DTNA: variants seen among roughly 807,000 people sequenced by gnomAD.
The protein encoded by DTNA is dystrophin-related protein 3.
DTNA carries 43 observed loss-of-function variants against 100.7 expected under a neutral mutation model. That is an observed-to-expected ratio of 0.43 (90% CI 0.33 to 0.55). The LOEUF (loss-of-function observed/expected upper bound fraction) is 0.55. DTNA is among the 20% of genes least tolerant of loss of function. The probability of loss-of-function intolerance (pLI) is 0.04; values close to 1 mark genes in which losing one functional copy is unlikely to be tolerated. For missense variants in DTNA, 798 were observed against 953.9 expected, an observed-to-expected ratio of 0.84 and a Z score of 2.15; for synonymous variants, 349 against 347.9, an observed-to-expected ratio of 1.00 and a Z score of -0.04.
intron 1 of DTNA, among the ~76,000 whole-genome samples, chr18:34,561,142 C>T (rs1196574754): frequency 1.3e-5 from 2 of 151,978 alleles, no homozygotes; most frequent in African/African-American, 4.8e-5. Flanking sequence ...GAAAAAAGTC[C>T]TATTTTTTTC....
At chr18:34,676,830 G>T (rs1042986392) in intron 1 of DTNA, among the ~76,000 whole-genome samples, 1 of 152,178 alleles carries the variant, frequency 6.6e-6, no homozygotes, top group African/African-American at 2.4e-5. Flanking sequence ...GCAAGACCTT[G>T]TCTCAAAGAG....
intron 17 of DTNA, among the ~76,000 whole-genome samples, chr18:34,869,759 C>T (rs531447209): frequency 1.3e-3 from 192 of 152,312 alleles, no homozygotes; most frequent in African/African-American, 4.3e-3. Flanking sequence ...CGGTGGCTCA[C>T]GCCTGTAATC....
At chr18:34,587,579 G>A (rs8090923) in intron 1 of DTNA, among the ~76,000 whole-genome samples, 6,783 of 152,044 alleles carry the variant, frequency 0.045, 482 homozygotes, top group African/African-American at 0.15. Flanking sequence ...GAACTTAAAT[G>A]CATATCTCAT....
chr18:34,541,641 A>C (rs1301430692), intron 1 of DTNA, among the ~76,000 whole-genome samples: 1 of 152,108 alleles, frequency 6.6e-6, no homozygotes, highest in Non-Finnish European at 1.5e-5. Context: ...CCCAGTCTCC[A>C]GTATGTCTTT....
At chr18:34,681,710 ACACACACACACACACACACACCC>A (rs1317909707) in intron 1 of DTNA, among the ~76,000 whole-genome samples, 1 of 150,908 alleles carries the variant, frequency 6.6e-6, no homozygotes, top group Non-Finnish European at 1.5e-5. Context: ...ACACACACAC[ACACACACACACACACACACACCC>A]CACACACACA....
In DTNA at chr18:34,777,972, TTG is replaced by T. The variant is rs1215344176; in HGVS notation, c.148+11935_148+11936del. 9.8e-5 allele frequency among the ~76,000 whole-genome samples: 15 copies of T among 152,294 alleles called. No individual in the cohort carries two copies. In the East Asian group the frequency reaches 2.9e-3, roughly 30 times the overall value. ...CTTCTAAAAATCTTAACCCTCATCA[TTG>T]TGTTAGTGAGGGAACTGCAGTAGCT... is the stretch of plus-strand genomic sequence containing the variant. On this transcript the variant is annotated intron_variant, in intron 3 of 22. Coordinates refer to ENST00000444659, the MANE Select transcript of DTNA (RefSeq NM_001386795.1).
chr18:34,615,991 A>G (rs531241381), intron 1 of DTNA, among the ~76,000 whole-genome samples: 6 of 152,266 alleles, frequency 3.9e-5, no homozygotes, highest in African/African-American at 1.2e-4. Context: ...TCCACCATTA[A>G]TGGAGACCTA....
intron 1 of DTNA, among the ~76,000 whole-genome samples, chr18:34,754,856 T>A (rs1048504317): frequency 6.6e-6 from 1 of 152,090 alleles, no homozygotes. Context: ...CAGGCAGTTG[T>A]AGAAAGTTGG....
intron 1 of DTNA, among the ~76,000 whole-genome samples, chr18:34,736,513 T>C (rs1006500373): frequency 3.3e-5 from 5 of 152,142 alleles, no homozygotes; most frequent in Admixed American, 1.3e-4. Flanking sequence ...AAATGGAAGA[T>C]TGTACAGACA....
chr18:34,865,256 CT>C (rs376169647), intron 17 of DTNA, among the ~76,000 whole-genome samples: 8 of 151,522 alleles, frequency 5.3e-5, no homozygotes, highest in Non-Finnish European at 8.8e-5. Flanking sequence ...TTCTTTCTCT[CT>C]TTTTTTTGTC....
intron 1 of DTNA, among the ~76,000 whole-genome samples, chr18:34,502,042 CAT>C (rs1216448505): frequency 6.6e-6 from 1 of 152,190 alleles, no homozygotes; most frequent in African/African-American, 2.4e-5. Flanking sequence ...AGGACTTCAA[CAT>C]ATGAATTTGT....
chr18:34,711,213 C>T (rs16965785), intron 1 of DTNA, among the ~76,000 whole-genome samples: 1 of 152,058 alleles, frequency 6.6e-6, no homozygotes, highest in Non-Finnish European at 1.5e-5. Context: ...CCTTCTCATG[C>T]GTTGTTTACA....
At chr18:34,871,610 C>G (rs550841368) in intron 17 of DTNA, among the ~76,000 whole-genome samples, 2 of 152,230 alleles carry the variant, frequency 1.3e-5, no homozygotes, top group African/African-American at 4.8e-5. Flanking sequence ...AGGCTGGAGG[C>G]CACCATCCCA....
At chr18:34,815,853 G>A in intron 6 of DTNA, 56 bp from the exon 7 acceptor site, 1 of 1,339,102 alleles carries the variant, frequency 7.5e-7, no homozygotes, top group Non-Finnish European at 1.1e-6. Context: ...TATTTACATA[G>A]CAGGTAAATT....
intron 1 of DTNA, chr18:34,679,513 T>G (rs1040905126): frequency 6.6e-6 from 1 of 152,204 alleles, no homozygotes. Flanking sequence ...TGGGAAGTCT[T>G]TAAGTGCCAT....
intron 17 of DTNA, 125 bp downstream of exon 17, chr18:34,864,187 C>T (rs2096664686): frequency 1.2e-6 from 1 of 820,494 alleles, no homozygotes; most frequent in African/African-American, 1.7e-5. Context: ...TTGTTTCAAG[C>T]TCAGATGTAA....
At chr18:34,762,410 G>C (rs1344913862) in intron 2 of DTNA, among the ~76,000 whole-genome samples, 1 of 152,138 alleles carries the variant, frequency 6.6e-6, no homozygotes, top group South Asian at 2.1e-4. Flanking sequence ...AAGGCGTCTA[G>C]TAGTATCCTG....
At chr18:34,799,341 A>G (rs895429760) in intron 4 of DTNA, among the ~76,000 whole-genome samples, 1 of 152,214 alleles carries the variant, frequency 6.6e-6, no homozygotes, top group African/African-American at 2.4e-5. Context: ...TGGATATGAA[A>G]TGCCTGGTAC....
chr18:34,849,179 G>A (rs1331339477), intron 14 of DTNA, among the ~76,000 whole-genome samples: 4 of 152,154 alleles, frequency 2.6e-5, no homozygotes, highest in Admixed American at 6.5e-5. Flanking sequence ...AAACAGAGAC[G>A]TAATTGGAGT....
Sources: gnomAD v4.1 joint callset for allele counts (sites outside exome capture counted in the v4.1 genomes callset) on GRCh38, gnomAD v4.1.1 for gene constraint, MANE v1.5 for transcripts, NCBI Gene and HGNC (gene_info 2026-07-23, HGNC 2026-07-21) for gene names.